Variants in BICC1 observed in about 807,000 individuals in gnomAD.
The protein encoded by BICC1 is protein bicaudal C homolog 1.
In BICC1, 43 loss-of-function variants were observed where a neutral mutation model predicts 111.0. That is an observed-to-expected ratio of 0.39 (90% CI 0.30 to 0.50). The LOEUF (loss-of-function observed/expected upper bound fraction) is 0.50. Ranked by LOEUF, BICC1 falls within the 20% of genes least tolerant of loss-of-function variation. The pLI is 0.88. For synonymous variants in BICC1, 467 were observed against 434.4 expected, an observed-to-expected ratio of 1.07 and a Z score of -0.93; for missense variants, 1,091 against 1,203.2, an observed-to-expected ratio of 0.91 and a Z score of 1.38.
intron 3 of BICC1, among the ~76,000 whole-genome samples, chr10:58,761,227 A>C (rs900014441): frequency 6.6e-6 from 1 of 152,196 alleles, no homozygotes; most frequent in African/African-American, 2.4e-5. Flanking sequence ...GATACAGATG[A>C]AGGCTACCCC....
intron 3 of BICC1, 97 bp from the exon 4 acceptor site, chr10:58,784,904 C>T: frequency 2.0e-6 from 1 of 498,256 alleles, no homozygotes; most frequent in South Asian, 4.0e-5. Context: ...ATTATGGAAC[C>T]TCTTATGTTC....
intron 3 of BICC1, among the ~76,000 whole-genome samples, chr10:58,774,531 A>T (rs1842700112): frequency 6.6e-6 from 1 of 152,250 alleles, no homozygotes; most frequent in East Asian, 1.9e-4. Context: ...AATGGAAAAT[A>T]CAGAAGCGCT....
intron 3 of BICC1, among the ~76,000 whole-genome samples, chr10:58,776,101 G>C (rs1842742420): frequency 6.6e-6 from 1 of 152,130 alleles, no homozygotes; most frequent in Non-Finnish European, 1.5e-5. Context: ...ATTGTTCCTT[G>C]AATCTCTTCA....
chr10:58,788,160 C>T (rs1433949692), intron 5 of BICC1, among the ~76,000 whole-genome samples: 1 of 152,050 alleles, frequency 6.6e-6, no homozygotes, highest in Admixed American at 6.6e-5. Flanking sequence ...TCAGTTGACA[C>T]AAATTACCTG....
rs143211216 is a variant in BICC1 at position 58,649,289 on chromosome 10, T to C, written c.237+28388T>C. Among the ~76,000 whole-genome samples the C allele has an allele frequency of 3.1e-3, 474 of 152,262 alleles. 3 individuals are homozygous for C. Among genetic ancestry groups the C allele is most frequent in the African/African-American group, 0.011 (442 of 41,544 alleles). On this transcript the variant is annotated intron_variant, in intron 2 of 20. Coordinates refer to ENST00000373886, the MANE Select transcript of BICC1 (RefSeq NM_001080512.3). ...ACTTGTTGATGTGCCCCAATGCCTA[T>C]GAAAAGAGACTTGAAGAGAGAATTG...
At chr10:58,555,547 T>C (rs1036436751) in intron 1 of BICC1, among the ~76,000 whole-genome samples, 3 of 152,116 alleles carry the variant, frequency 2.0e-5, no homozygotes, top group African/African-American at 7.2e-5. Flanking sequence ...AGTCAGTTAA[T>C]TTTCAATGAG....
intron 1 of BICC1, among the ~76,000 whole-genome samples, chr10:58,601,458 C>A (rs1338755367): frequency 2.0e-5 from 3 of 151,498 alleles, no homozygotes; most frequent in Non-Finnish European, 4.4e-5. Flanking sequence ...GTGTCTATAT[C>A]TAAATTTTCT....
At position 58,828,982 on chromosome 10, in the gene BICC1, T is replaced by C. The variant is rs921172102; in HGVS notation, c.*91T>C. On this transcript the variant is annotated 3_prime_UTR_variant, in exon 21 of 21. Coordinates refer to ENST00000373886, the MANE Select transcript of BICC1 (RefSeq NM_001080512.3). The stretch of plus-strand genomic sequence containing the variant: ...CTTCACAGCACACCATCCTTAGCAC[T>C]CTGGGTGTCTGGTATCAGGACCAAA... 1.4e-6 allele frequency: 2 copies of C among 1,471,434 alleles called. No individual in the cohort carries two copies. Among genetic ancestry groups the C allele is most frequent in the African/African-American group, 1.4e-5 (1 of 71,122 alleles). The allele number at this position is 1,471,434 out of a possible 1,614,324, so 91.1% of individuals were successfully genotyped here. A position where few individuals can be genotyped will look rare whatever the true frequency, so the allele number is the denominator to read the frequency against.
chr10:58,566,139 AATTC>A (rs1436509791), intron 1 of BICC1, among the ~76,000 whole-genome samples: 2 of 142,804 alleles, frequency 1.4e-5, no homozygotes, highest in Non-Finnish European at 3.1e-5. Context: ...GCTGAATACT[AATTC>A]AATGATGTGT....
chr10:58,674,386 TG>T (rs1484369064), intron 2 of BICC1, among the ~76,000 whole-genome samples: 7 of 152,182 alleles, frequency 4.6e-5, no homozygotes, highest in Non-Finnish European at 1.0e-4. Context: ...GGGGTGTTAG[TG>T]AATGCCAAGA....
chr10:58,601,743 A>G (rs925273331), intron 1 of BICC1, among the ~76,000 whole-genome samples: 1 of 152,118 alleles, frequency 6.6e-6, no homozygotes, highest in African/African-American at 2.4e-5. Flanking sequence ...ACTGAATCTC[A>G]GGGTTATAAT....
At position 58,827,653 on chromosome 10, in the gene BICC1, TC is replaced by T. The variant is rs1452992229; in HGVS notation, c.2795-1106del. 6.6e-5 allele frequency among the ~76,000 whole-genome samples: 10 copies of T among 152,078 alleles called. No individual in the cohort carries two copies. The East Asian group carries it at 1.9e-3, about 29-fold the overall frequency. ...ATGTTAGACAGTCTGGCAGAAGAGT[TC>T]CGATTATTCAAGACTACTTCTGATT... On this transcript the variant is annotated intron_variant, in intron 20 of 20. Transcript: ENST00000373886.
intron 1 of BICC1, among the ~76,000 whole-genome samples, chr10:58,571,084 C>T (rs1042701772): frequency 3.3e-5 from 5 of 152,094 alleles, no homozygotes; most frequent in African/African-American, 4.8e-5. Flanking sequence ...CTAGATCAAA[C>T]AATTTGATTT....
chr10:58,602,329 G>A (rs1475160076), intron 1 of BICC1, among the ~76,000 whole-genome samples: 2 of 152,068 alleles, frequency 1.3e-5, no homozygotes, highest in East Asian at 3.8e-4. Flanking sequence ...ATAAATGTAC[G>A]CACATATTTT....
intron 1 of BICC1, among the ~76,000 whole-genome samples, chr10:58,537,458 C>A (rs1474458693): frequency 2.6e-5 from 4 of 151,464 alleles, no homozygotes; most frequent in Non-Finnish European, 4.4e-5. Context: ...AAATTCTCAA[C>A]AAACTAGTTA....
chr10:58,691,814 C>T (rs1839916863), intron 2 of BICC1, among the ~76,000 whole-genome samples: 1 of 152,102 alleles, frequency 6.6e-6, no homozygotes, highest in African/African-American at 2.4e-5. Flanking sequence ...GTTTTTTTCT[C>T]CATTATCATG....
At chr10:58,702,461 A>G (rs1368999694) in intron 3 of BICC1, among the ~76,000 whole-genome samples, 1 of 151,856 alleles carries the variant, frequency 6.6e-6, no homozygotes, top group Non-Finnish European at 1.5e-5. Context: ...ATAAATTTCT[A>G]TTGTTTATAT....
intron 1 of BICC1, among the ~76,000 whole-genome samples, chr10:58,529,122 TG>T (rs1286027032): frequency 6.6e-6 from 1 of 151,942 alleles, no homozygotes; most frequent in Non-Finnish European, 1.5e-5. Context: ...AAATCATAGT[TG>T]AGACTTGTTG....
At chr10:58,793,180 C>T (rs1405394402) in intron 8 of BICC1, among the ~76,000 whole-genome samples, 1 of 152,116 alleles carries the variant, frequency 6.6e-6, no homozygotes, top group African/African-American at 2.4e-5. Flanking sequence ...TCTAGCATAA[C>T]TTAACAAAAC....
Sources: allele counts gnomAD v4.1 joint callset (sites outside exome capture counted in the v4.1 genomes callset), GRCh38; gene constraint gnomAD v4.1.1; transcripts MANE v1.5; gene names NCBI Gene and HGNC (gene_info 2026-07-23, HGNC 2026-07-21).